The following THSD7B variants were observed in gnomAD, a reference collection of about 807,000 sequenced individuals.
The protein encoded by THSD7B is thrombospondin type-1 domain-containing protein 7B.
THSD7B carries 138 observed loss-of-function variants against 213.6 expected under a neutral mutation model. The observed-to-expected ratio is 0.65, with a 90% CI of 0.56 to 0.74. The LOEUF is 0.74. THSD7B is among the 30% of genes least tolerant of loss of function. The probability of loss-of-function intolerance (pLI) is 0.00; values close to 1 mark genes in which losing one functional copy is unlikely to be tolerated. For missense variants in THSD7B, 1,931 were observed against 1,991.5 expected, an observed-to-expected ratio of 0.97 and a Z score of 0.58; for synonymous variants, 742 against 687.0, an observed-to-expected ratio of 1.08 and a Z score of -1.25.
intron 3 of THSD7B, among the ~76,000 whole-genome samples, chr2:137,087,733 A>G (rs777493525): frequency 6.6e-6 from 1 of 152,228 alleles, no homozygotes; most frequent in African/African-American, 2.4e-5. Flanking sequence ...GCCAAAAGCA[A>G]TCTACAAATT....
chr2:137,198,501 A>G (rs1301601829), intron 7 of THSD7B, among the ~76,000 whole-genome samples: 1 of 152,130 alleles, frequency 6.6e-6, no homozygotes, highest in African/African-American at 2.4e-5. Flanking sequence ...TTGGAAGACA[A>G]TTCCCCTACT....
At chr2:137,495,378 C>T (rs945685769) in intron 15 of THSD7B, among the ~76,000 whole-genome samples, 3 of 152,070 alleles carry the variant, frequency 2.0e-5, no homozygotes, top group African/African-American at 4.8e-5. Flanking sequence ...GAACCCTTTT[C>T]GCTTGTTGGT....
chr2:137,065,192 C>T (rs1687353523), intron 3 of THSD7B, among the ~76,000 whole-genome samples: 1 of 151,776 alleles, frequency 6.6e-6, no homozygotes, highest in South Asian at 2.1e-4. Flanking sequence ...CAATTTTCTC[C>T]TTTGGTGTTT....
intron 12 of THSD7B, among the ~76,000 whole-genome samples, chr2:137,399,444 T>G (rs1686299830): frequency 6.6e-6 from 1 of 152,094 alleles, no homozygotes; most frequent in Non-Finnish European, 1.5e-5. Context: ...CTCCCAGCCT[T>G]GGCCTCCGAA....
intron 14 of THSD7B, among the ~76,000 whole-genome samples, chr2:137,432,217 C>A (rs1687201812): frequency 6.6e-6 from 1 of 151,984 alleles, no homozygotes; most frequent in South Asian, 2.1e-4. Context: ...GTGGTGAAAC[C>A]CCGTTTCTAC....
chr2:137,117,694 G>A (rs1406823121), intron 5 of THSD7B, among the ~76,000 whole-genome samples: 3 of 152,050 alleles, frequency 2.0e-5, no homozygotes, highest in Non-Finnish European at 4.4e-5. Flanking sequence ...TAGCAGCTCT[G>A]ATTCCAAGCA....
intron 3 of THSD7B, 26 bp from the exon 4 acceptor site, chr2:137,094,847 C>A: frequency 6.2e-7 from 1 of 1,603,532 alleles, no homozygotes. Flanking sequence ...ATATGGCCTC[C>A]TATTTTCTAC....
intron 20 of THSD7B, among the ~76,000 whole-genome samples, chr2:137,638,386 T>A (rs902304016): frequency 4.6e-5 from 7 of 152,184 alleles, no homozygotes; most frequent in African/African-American, 1.7e-4. Flanking sequence ...TTTCTCTTGT[T>A]ACCTCCATGT....
intron 2 of THSD7B, among the ~76,000 whole-genome samples, chr2:136,913,775 G>A (rs1170546188): frequency 1.3e-5 from 2 of 152,234 alleles, no homozygotes; most frequent in African/African-American, 4.8e-5. Flanking sequence ...TAGATTTCAG[G>A]AGATGTATGG....
chr2:137,264,518 A>T (rs1573920257), intron 10 of THSD7B, among the ~76,000 whole-genome samples: 1 of 152,032 alleles, frequency 6.6e-6, no homozygotes, highest in East Asian at 1.9e-4. Flanking sequence ...AAAGTGTTGG[A>T]ATTACAGGCG....
At chr2:137,422,725 C>T (rs1197369104) in intron 14 of THSD7B, among the ~76,000 whole-genome samples, 1 of 152,072 alleles carries the variant, frequency 6.6e-6, no homozygotes, top group Non-Finnish European at 1.5e-5. Context: ...CTCTCTGAGT[C>T]AGACCATACT....
rs766490432 is a variant in THSD7B at position 137,057,117 on chromosome 2, TA to T, written c.840del (p.Lys280AsnfsTer16). Reference sequence around the variant, plus strand: ...CTGATTCAAATGAGCGAGTCACCTTTAAACATCAAAGTTACAAAGCACATCA... The same window carrying T: ...CTGATTCAAATGAGCGAGTCACCTTTAACATCAAAGTTACAAAGCACATCA... ...NSDSNERVTF[K>X]HQSYKAHHHS... On this transcript the variant is annotated frameshift_variant, in exon 3 of 28. Transcript: ENST00000409968. LOFTEE classifies it high-confidence loss of function. 1 of 1,613,994 alleles carries T rather than the reference TA, an allele frequency of 6.2e-7. No homozygotes were observed. Among genetic ancestry groups the T allele is most frequent in the African/African-American group, 1.3e-5 (1 of 75,046 alleles).
At chr2:136,858,594 A>G (rs1683210865) in intron 1 of THSD7B, among the ~76,000 whole-genome samples, 1 of 152,234 alleles carries the variant, frequency 6.6e-6, no homozygotes, top group Non-Finnish European at 1.5e-5. Flanking sequence ...TATTTTATTT[A>G]TATGATCTAA....
intron 2 of THSD7B, among the ~76,000 whole-genome samples, chr2:137,016,267 T>C (rs1686338248): frequency 6.6e-6 from 1 of 152,120 alleles, no homozygotes; most frequent in African/African-American, 2.4e-5. Flanking sequence ...TCCTTTGCTG[T>C]TTCTCTCCCA....
intron 2 of THSD7B, among the ~76,000 whole-genome samples, chr2:136,996,311 C>CTCTT (rs892070665): frequency 1.3e-5 from 2 of 152,048 alleles, no homozygotes; most frequent in Admixed American, 1.3e-4. Context: ...CTGTCCCTGT[C>CTCTT]TCTTTCTTTC....
At chr2:137,638,384 GTTAC>G (rs1682873865) in intron 20 of THSD7B, among the ~76,000 whole-genome samples, 1 of 152,010 alleles carries the variant, frequency 6.6e-6, no homozygotes, top group Non-Finnish European at 1.5e-5. Context: ...TTTTTCTCTT[GTTAC>G]CTCCATGTAA....
chr2:137,530,288 A>G (rs1161561514), intron 15 of THSD7B, among the ~76,000 whole-genome samples: 1 of 152,026 alleles, frequency 6.6e-6, no homozygotes, highest in Non-Finnish European at 1.5e-5. Context: ...TTTTACCATT[A>G]GGATGCCTCA....
intron 5 of THSD7B, among the ~76,000 whole-genome samples, chr2:137,132,628 A>G (rs1195953107): frequency 3.3e-5 from 5 of 152,136 alleles, no homozygotes; most frequent in African/African-American, 1.2e-4. Context: ...CATTCTTGTT[A>G]TCTTTACTAA....
At chr2:137,103,517 A>G (rs554250567) in intron 4 of THSD7B, among the ~76,000 whole-genome samples, 6 of 152,326 alleles carry the variant, frequency 3.9e-5, no homozygotes, top group African/African-American at 1.4e-4. Flanking sequence ...TGACAGGATC[A>G]AATTCATACA....
Sources: gnomAD v4.1 joint callset for allele counts (sites outside exome capture counted in the v4.1 genomes callset) on GRCh38, gnomAD v4.1.1 for gene constraint, MANE v1.5 for transcripts, NCBI Gene and HGNC (gene_info 2026-07-23, HGNC 2026-07-21) for gene names.